Variants in DEK observed in about 807,000 individuals in gnomAD.
The protein encoded by DEK is DEK proto-oncogene.
Under a neutral mutation model 46.8 loss-of-function variants are expected in DEK, and 28 were observed. The ratio of observed to expected loss-of-function variants is 0.60; its 90% CI spans 0.44 to 0.82. DEK has a LOEUF of 0.82. Among genes scored for constraint, DEK ranks in the 40% least tolerant of loss-of-function variants. The pLI is 0.00. For missense variants in DEK, 416 were observed against 430.6 expected, an observed-to-expected ratio of 0.97 and a Z score of 0.30; for synonymous variants, 160 against 144.5, an observed-to-expected ratio of 1.11 and a Z score of -0.77.
intron 7 of DEK, among the ~76,000 whole-genome samples, chr6:18,242,432 T>C (rs531221325): frequency 1.6e-4 from 25 of 152,358 alleles, no homozygotes; most frequent in African/African-American, 6.0e-4. Flanking sequence ...TGGTTTCAAC[T>C]ACCTGTTGTC....
At chr6:18,256,035 T>A (rs1284616645) in intron 5 of DEK, among the ~76,000 whole-genome samples, 184 bp from the exon 6 acceptor site, 1 of 151,872 alleles carries the variant, frequency 6.6e-6, no homozygotes, top group Non-Finnish European at 1.5e-5. Flanking sequence ...TTGCCCAGGC[T>A]GGAGTGCAAT....
chr6:18,231,396 C>A (rs191051922), intron 9 of DEK, among the ~76,000 whole-genome samples: 1 of 151,764 alleles, frequency 6.6e-6, no homozygotes, highest in Non-Finnish European at 1.5e-5. Flanking sequence ...GACACAGACA[C>A]AAAAAAACCT....
intron 2 of DEK, among the ~76,000 whole-genome samples, chr6:18,262,204 A>C (rs1791906420): frequency 6.6e-6 from 1 of 151,722 alleles, no homozygotes; most frequent in Non-Finnish European, 1.5e-5. Context: ...TACTGGCGCC[A>C]TGCTTCTTGT....
intron 9 of DEK, among the ~76,000 whole-genome samples, chr6:18,232,284 T>G (rs911274075): frequency 2.6e-5 from 4 of 152,144 alleles, no homozygotes; most frequent in Non-Finnish European, 4.4e-5. Context: ...CTGGAATCAT[T>G]CCCTTTGAAA....
intron 6 of DEK, among the ~76,000 whole-genome samples, chr6:18,251,845 G>C (rs1791386363): frequency 6.6e-6 from 1 of 151,984 alleles, no homozygotes; most frequent in Non-Finnish European, 1.5e-5. Flanking sequence ...CGAATTATTA[G>C]TATGAGGACT....
At chr6:18,263,771 T>C (rs1290188543) in intron 2 of DEK, 72 bp downstream of exon 2, 2 of 1,609,562 alleles carry the variant, frequency 1.2e-6, no homozygotes, top group Non-Finnish European at 1.7e-6. Context: ...GCAAGAAAAC[T>C]GTTTCCTGGG....
At chr6:18,249,303 A>G (rs1791260170) in intron 7 of DEK, among the ~76,000 whole-genome samples, 3 of 152,178 alleles carry the variant, frequency 2.0e-5, no homozygotes, top group Admixed American at 6.5e-5. Context: ...AAGTATCAAT[A>G]TATTACGAAA....
Position 18,223,865 on chromosome 6 carries a change from T to G in DEK, c.*1854A>C, listed in dbSNP as rs1789986201. 6.6e-6 allele frequency: 1 copy of G among 152,228 alleles called. No homozygotes were observed. The highest frequency in any genetic ancestry group is 2.4e-5 in the African/African-American group (1 of 41,464). The allele number at this position is 152,228 out of a possible 1,614,324, so 9.4% of individuals were successfully genotyped here. A position where few individuals can be genotyped will look rare whatever the true frequency, so the allele number is the denominator to read the frequency against. On this transcript the variant is annotated 3_prime_UTR_variant, in exon 11 of 11. Coordinates refer to ENST00000652689, the MANE Select transcript of DEK (RefSeq NM_003472.4). ...AGACTTTCACATGTACTCTGTACTG[T>G]AGTGGTGATACATCCATTTAATAAG... is the stretch of plus-strand genomic sequence containing the variant.
rs759943428 is a variant in DEK, at chr6:18,263,846, T to C, written c.142A>G (p.Lys48Glu). The C allele has an allele frequency of 1.9e-5, 30 of 1,611,846 alleles. No individual in the cohort carries two copies. Among genetic ancestry groups the C allele is most frequent in the Non-Finnish European group, 2.0e-5 (24 of 1,179,074 alleles). The change falls in exon 2 of 11, where the codon AAA (lysine) becomes GAA (glutamate). Residue 48 changes from lysine to glutamate, a missense_variant. Coordinates refer to ENST00000652689, the MANE Select transcript of DEK (RefSeq NM_003472.4). ...EDDEEEEEEE[K>E]EKSLIVEGKR... ...GTTGGGATGCGACTCCCCCCACCTT[T>C]TTCCTCCTCCTCCTCCTCCTCGTCG... is the stretch of plus-strand genomic sequence containing the variant.
At chr6:18,245,299 G>T (rs955346528) in intron 7 of DEK, among the ~76,000 whole-genome samples, 4 of 152,238 alleles carry the variant, frequency 2.6e-5, no homozygotes, top group Admixed American at 6.5e-5. Flanking sequence ...GATCAGGAAA[G>T]GACAGTACCC....
At chr6:18,227,633 C>CT (rs967755737) in intron 9 of DEK, among the ~76,000 whole-genome samples, 62 of 152,238 alleles carry the variant, frequency 4.1e-4, no homozygotes, top group African/African-American at 1.3e-3. Context: ...TTTTTCTTTT[C>CT]TAAGTCTCTC....
intron 2 of DEK, among the ~76,000 whole-genome samples, chr6:18,259,742 G>C (rs1045853524): frequency 6.6e-6 from 1 of 152,076 alleles, no homozygotes. Flanking sequence ...GCACTGAGGA[G>C]GAATTGATTA....
At chr6:18,246,978 A>T (rs1313804709) in intron 7 of DEK, among the ~76,000 whole-genome samples, 2 of 152,224 alleles carry the variant, frequency 1.3e-5, no homozygotes, top group African/African-American at 4.8e-5. Flanking sequence ...TCTACAGGCA[A>T]TCCAAAACTT....
At chr6:18,263,532 C>T (rs1452255037) in intron 2 of DEK, among the ~76,000 whole-genome samples, 1 of 151,770 alleles carries the variant, frequency 6.6e-6, no homozygotes, top group Non-Finnish European at 1.5e-5. Context: ...AAAAAAAAAT[C>T]AAATCCAAGA....
intron 7 of DEK, among the ~76,000 whole-genome samples, chr6:18,243,541 G>A (rs897234905): frequency 6.6e-6 from 1 of 152,080 alleles, no homozygotes; most frequent in Non-Finnish European, 1.5e-5. Context: ...GTTAGTCAAA[G>A]GCACCCTGCC....
At chr6:18,244,480 A>G (rs1012012333) in intron 7 of DEK, 2 of 1,247,288 alleles carry the variant, frequency 1.6e-6, no homozygotes, top group African/African-American at 3.1e-5. Context: ...AAGGAAGGCA[A>G]AAAAAATCTT....
chr6:18,245,130 G>A (rs1285389211), intron 7 of DEK, among the ~76,000 whole-genome samples: 1 of 152,192 alleles, frequency 6.6e-6, no homozygotes, highest in Non-Finnish European at 1.5e-5. Context: ...CATGTATATG[G>A]AGATCTCTGG....
chr6:18,224,495 C>G lies in DEK; in HGVS notation c.*1224G>C, dbSNP rs915405725. 2 of 200,856 alleles carry G rather than the reference C, an allele frequency of 1.0e-5. No homozygotes were observed. The highest frequency in any genetic ancestry group is 2.1e-5 in the Non-Finnish European group (2 of 97,552). 12.4% of individuals were successfully genotyped at this position (200,856 alleles called of 1,614,324 possible). ...GATTTAAGACAGTAAATTTGAAAGA[C>G]AAAATTAAGTCTCATTCAGGAGTGG... On this transcript the variant is annotated 3_prime_UTR_variant, in exon 11 of 11. Coordinates refer to ENST00000652689, the MANE Select transcript of DEK (RefSeq NM_003472.4).
At chr6:18,231,511 A>T (rs561467375) in intron 9 of DEK, among the ~76,000 whole-genome samples, 1 of 152,242 alleles carries the variant, frequency 6.6e-6, no homozygotes, top group South Asian at 2.1e-4. Flanking sequence ...CAAACAGACG[A>T]AATAAAAAAT....
Sources: gnomAD v4.1 joint callset for allele counts (sites outside exome capture counted in the v4.1 genomes callset) on GRCh38, gnomAD v4.1.1 for gene constraint, MANE v1.5 for transcripts, NCBI Gene and HGNC (gene_info 2026-07-23, HGNC 2026-07-21) for gene names.